ZSWIM9: variants seen among roughly 807,000 people sequenced by gnomAD.
ZSWIM9 encodes the protein zinc finger SWIM-type containing 9.
A neutral mutation model predicts 25.0 loss-of-function variants in ZSWIM9; 11 were observed. That is an observed-to-expected ratio of 0.44 (90% confidence interval 0.28 to 0.73). The LOEUF is 0.73. Ranked by LOEUF, ZSWIM9 falls within the 30% of genes least tolerant of loss-of-function variation. The pLI is 0.16. For missense variants in ZSWIM9, 1,070 were observed against 1,296.5 expected, an observed-to-expected ratio of 0.83 and a Z score of 2.68; for synonymous variants, 562 against 582.1, an observed-to-expected ratio of 0.97 and a Z score of 0.50.
chr19:48,188,435 G>A (rs2037056307), intron 3 of ZSWIM9, among the ~76,000 whole-genome samples: 1 of 151,934 alleles, frequency 6.6e-6, no homozygotes, highest in Non-Finnish European at 1.5e-5. Context: ...CATCATGTTG[G>A]CCAGAATGGT....
intron 2 of ZSWIM9, among the ~76,000 whole-genome samples, chr19:48,175,743 C>A (rs965584233): frequency 6.6e-6 from 1 of 152,134 alleles, no homozygotes; most frequent in African/African-American, 2.4e-5. Flanking sequence ...CCAGAGGTTA[C>A]ACAGTGACTC....
chr19:48,192,470 A>AT (rs1568582364), intron 3 of ZSWIM9, among the ~76,000 whole-genome samples: 1 of 25,638 alleles, frequency 3.9e-5, no homozygotes. Context: ...AAAAAAAAAA[A>AT]AAAAAAAAAA....
chr19:48,195,761 G>T lies in ZSWIM9; in HGVS notation c.1697G>T (p.Gly566Val). The T allele has an allele frequency of 6.7e-7, 1 of 1,488,936 alleles. No individual in the cohort carries two copies. Among genetic ancestry groups the T allele is most frequent in the East Asian group, 2.6e-5 (1 of 38,554 alleles). 92.2% of individuals were successfully genotyped at this position (1,488,936 alleles called of 1,614,324 possible). The change falls in exon 4 of 4, where the codon GGT (glycine) becomes GTT (valine). Residue 566 changes from glycine (G) to valine (V), a missense_variant. Coordinates refer to ENST00000614654, the MANE Select transcript of ZSWIM9 (RefSeq NM_199341.4). This position sits in a 1 kb window ranked among gnomAD's most constrained non-coding sequence, Gnocchi z 5.8. ...GACTGGAGGGGGCCCCAGTTGGAGG[G>T]TGAGAAAGATTGGGGACTGGAAGGT... ...IRDWRGPQLEGEKDWGLEGYV... is the reference protein window; with the variant it reads ...IRDWRGPQLEVEKDWGLEGYV...
In ZSWIM9 at chr19:48,195,034, A is replaced by G. The variant is rs2123455928; in HGVS notation, c.970A>G (p.Thr324Ala). The change falls in exon 4 of 4, where the codon ACG becomes GCG. Residue 324 changes from threonine (T) to alanine (A), a missense_variant. Thr to Ala is a moderately conservative substitution (Grantham distance 58). This residue lies in a region of ZSWIM9 where 184 missense variants were observed against 243.1 expected (regional missense o/e 0.76). Transcript: ENST00000614654. The surrounding 1 kb of genome is among the most constrained non-coding windows in gnomAD (Gnocchi z 5.8). ...VQICRAQGLE[T>A]LFSKAQELGG... ...GATCTGCCGCGCGCAGGGCCTGGAG[A>G]CGCTCTTCAGCAAGGCGCAGGAGCT... is the stretch of plus-strand genomic sequence containing the variant. 7.2e-7 allele frequency: 1 copy of G among 1,379,958 alleles called. No homozygotes were observed. Among genetic ancestry groups the G allele is most frequent in the Non-Finnish European group, 9.3e-7 (1 of 1,074,608 alleles). The allele number at this position is 1,379,958 out of a possible 1,614,324, so 85.5% of individuals were successfully genotyped here.
chr19:48,196,721 G>GC lies in ZSWIM9; in HGVS notation c.2659dup (p.Arg887ProfsTer58). On this transcript the variant is annotated frameshift_variant, in exon 4 of 4. Transcript: ENST00000614654. LOFTEE classifies it high-confidence loss of function. Reference sequence around the variant, plus strand: ...TGCAGCTGCTCAATTCACGCCGCCCGCCGTCTGCCCTGCAGACACCTCTTT... The same window carrying GC: ...TGCAGCTGCTCAATTCACGCCGCCCGCCCGTCTGCCCTGCAGACACCTCTTT... The GC allele has an allele frequency of 8.1e-7, 1 of 1,232,894 alleles. No homozygotes were observed. 76.4% of individuals were successfully genotyped at this position (1,232,894 alleles called of 1,614,324 possible).
chr19:48,194,612 T>C lies in ZSWIM9; in HGVS notation c.589-41T>C. 1 of 1,377,682 alleles carries C rather than the reference T, an allele frequency of 7.3e-7. No homozygotes were observed. The highest frequency in any genetic ancestry group is 9.4e-7 in the Non-Finnish European group (1 of 1,063,522). The allele number at this position is 1,377,682 out of a possible 1,614,324, so 85.3% of individuals were successfully genotyped here. ...GGAGCTGGGCGGGGAGACCCCAGCA[T>C]CCTCTGACCTCTTTCCTTGCCTCCC... On this transcript the variant is annotated intron_variant, in intron 3 of 3. Transcript: ENST00000614654. This position sits in a 1 kb window ranked among gnomAD's most constrained non-coding sequence, Gnocchi z 6.0.
intron 2 of ZSWIM9, among the ~76,000 whole-genome samples, chr19:48,180,325 A>ATTTT (rs33956249): frequency 1.5e-4 from 21 of 140,342 alleles, no homozygotes; most frequent in African/African-American, 2.9e-4. Flanking sequence ...CATTCTTCCA[A>ATTTT]TTTTTTTTTT....
intron 2 of ZSWIM9, among the ~76,000 whole-genome samples, chr19:48,174,519 C>G (rs2036873497): frequency 6.6e-6 from 1 of 152,168 alleles, no homozygotes; most frequent in Non-Finnish European, 1.5e-5. Context: ...TCTGTGGCCT[C>G]AGTTTCCTCA....
chr19:48,177,113 A>G (rs1174170886), intron 2 of ZSWIM9, among the ~76,000 whole-genome samples: 3 of 152,066 alleles, frequency 2.0e-5, no homozygotes, highest in African/African-American at 4.8e-5. Flanking sequence ...CCTACATGTG[A>G]TGGACCATGC....
At position 48,195,241 on chromosome 19, in the gene ZSWIM9, G is replaced by A. The variant is rs978448782; in HGVS notation, c.1177G>A (p.Ala393Thr). The part of the protein sequence containing the change: ...PRRDMWVRFR[A>T]FEAARDLDAC... ...CCGCGACATGTGGGTCCGCTTCCGC[G>A]CCTTCGAGGCGGCCAGAGACCTGGA... Residue 393 changes from alanine to threonine, a missense_variant, in exon 4 of 4, where the codon GCC becomes ACC. By Grantham distance (58) the Ala-to-Thr change is moderately conservative (BLOSUM62 0). Transcript: ENST00000614654. The surrounding 1 kb of genome is among the most constrained non-coding windows in gnomAD (Gnocchi z 5.8). 1 of 1,529,200 alleles carries A rather than the reference G, an allele frequency of 6.5e-7. No homozygotes were observed. Among genetic ancestry groups the A allele is most frequent in the Non-Finnish European group, 8.7e-7 (1 of 1,143,156 alleles). The allele number at this position is 1,529,200 out of a possible 1,614,324, so 94.7% of individuals were successfully genotyped here.
chr19:48,192,913 G>A (rs2037116187), intron 3 of ZSWIM9: 1 of 154,422 alleles, frequency 6.5e-6, no homozygotes, highest in South Asian at 2.0e-4. Context: ...AGACCAGCAT[G>A]AGCTGCCAGA....
intron 3 of ZSWIM9, chr19:48,190,653 C>CTGCAATTT (rs2037083077): frequency 6.5e-6 from 1 of 154,676 alleles, no homozygotes; most frequent in South Asian, 2.0e-4. Flanking sequence ...AGAGGGAGAA[C>CTGCAATTT]TGCAATTTCT....
chr19:48,197,460 C>G lies in ZSWIM9; in HGVS notation c.*633C>G. 1.7e-6 allele frequency: 1 copy of G among 577,288 alleles called. No individual in the cohort carries two copies. The highest frequency in any genetic ancestry group is 3.1e-6 in the Non-Finnish European group (1 of 323,454). The allele number at this position is 577,288 out of a possible 1,614,324, so 35.8% of individuals were successfully genotyped here. On this transcript the variant is annotated 3_prime_UTR_variant, in exon 4 of 4. Transcript: ENST00000614654. Reference sequence around the variant, plus strand: ...ACGGGTAGAGACGAAATGCAAGGGGCGTGGTTTTGGTTTTTCTCCAAGACC... The same window carrying G: ...ACGGGTAGAGACGAAATGCAAGGGGGGTGGTTTTGGTTTTTCTCCAAGACC...
intron 2 of ZSWIM9, among the ~76,000 whole-genome samples, chr19:48,173,172 C>T (rs985921830): frequency 2.0e-5 from 3 of 152,196 alleles, no homozygotes; most frequent in Non-Finnish European, 4.4e-5. Context: ...GAAAGATTGA[C>T]GTTAAAAGAA....
rs2123470796 is a variant in ZSWIM9 at position 48,196,919 on chromosome 19, T to C, written c.*92T>C. 8.2e-7 allele frequency: 1 copy of C among 1,222,214 alleles called. No homozygotes were observed. The highest frequency in any genetic ancestry group is 1.5e-5 in the African/African-American group (1 of 64,840). The allele number at this position is 1,222,214 out of a possible 1,614,324, so 75.7% of individuals were successfully genotyped here. A position where few individuals can be genotyped will look rare whatever the true frequency, so the allele number is the denominator to read the frequency against. The stretch of plus-strand genomic sequence containing the variant: ...AATAGGGCTGAGGCCAAGGAGACCG[T>C]TGCAGTCCCCCTGGCCACCTTCTGG... On this transcript the variant is annotated 3_prime_UTR_variant, in exon 4 of 4. Coordinates refer to ENST00000614654, the MANE Select transcript of ZSWIM9 (RefSeq NM_199341.4).
chr19:48,187,481 ATATATTATATTATAATATAT>A (rs1450469544), intron 3 of ZSWIM9, among the ~76,000 whole-genome samples: 5 of 63,368 alleles, frequency 7.9e-5, no homozygotes, highest in African/African-American at 2.8e-4. Context: ...TATATATATT[ATATATTATATTATAATATAT>A]TATATTATAT....
In ZSWIM9 at chr19:48,171,867, G is replaced by T; in HGVS notation, c.65G>T (p.Arg22Leu). 2 of 1,535,464 alleles carry T rather than the reference G, an allele frequency of 1.3e-6. No individual in the cohort carries two copies. Reference sequence around the variant, plus strand: ...CAGGAGGAGCAGGAGCTGCGGGAGCGGGCCTTCTTCTCGTGGGCCGAGTTC... The same window carrying T: ...CAGGAGGAGCAGGAGCTGCGGGAGCTGGCCTTCTTCTCGTGGGCCGAGTTC... ...AGQEEQELRE[R>L]AFFSWAEFSR... Residue 22 changes from arginine to leucine, a missense_variant, in exon 2 of 4, where the codon CGG (arginine) becomes CTG (leucine). Arg to Leu is a moderately radical substitution (Grantham distance 102). Transcript: ENST00000614654.
At chr19:48,187,551 T>TA (rs2037039904) in intron 3 of ZSWIM9, 2 of 30,062 alleles carry the variant, frequency 6.7e-5, no homozygotes, top group African/African-American at 8.7e-5. Flanking sequence ...TATTATATTA[T>TA]ATATATTATA....
At chr19:48,171,769 A>G in intron 1 of ZSWIM9, 25 bp from the exon 2 acceptor site, 1 of 1,514,240 alleles carries the variant, frequency 6.6e-7, no homozygotes, top group Non-Finnish European at 8.8e-7. Context: ...TCTGATATCC[A>G]CCTGTTCTCC....
Sources: gnomAD v4.1 joint callset for allele counts (sites outside exome capture counted in the v4.1 genomes callset) on GRCh38, gnomAD v4.1.1 for gene constraint, gnomAD v4.1.1 regional missense constraint, Gnocchi (gnomAD v3.1) non-coding constraint, MANE v1.5 for transcripts, NCBI Gene and HGNC (gene_info 2026-07-23, HGNC 2026-07-21) for gene names.